Variants in DSC2 observed in about 807,000 individuals in gnomAD.
DSC2 encodes the protein desmocollin-2.
A neutral mutation model predicts 87.6 loss-of-function variants in DSC2; 51 were observed. The observed-to-expected ratio is 0.58, with a 90% CI of 0.46 to 0.74. The LOEUF (loss-of-function observed/expected upper bound fraction) is 0.74, where lower values mean the gene tolerates loss of function less well. Among genes scored for constraint, DSC2 ranks in the 30% least tolerant of loss-of-function variants. DSC2 has a pLI of 0.00. For missense variants in DSC2, 1,066 were observed against 1,089.5 expected, an observed-to-expected ratio of 0.98 and a Z score of 0.30; for synonymous variants, 383 against 393.2, an observed-to-expected ratio of 0.97 and a Z score of 0.31.
At chr18:31,069,737 T>C (rs1044041517) in intron 14 of DSC2, among the ~76,000 whole-genome samples, 1 of 149,702 alleles carries the variant, frequency 6.7e-6, no homozygotes, top group Non-Finnish European at 1.5e-5. Flanking sequence ...AAAAAGCCTC[T>C]TAGAATACTG....
intron 15 of DSC2, 89 bp downstream of exon 15, chr18:31,068,805 A>C: frequency 6.7e-7 from 1 of 1,495,338 alleles, no homozygotes; most frequent in Non-Finnish European, 9.2e-7. Context: ...ATTCATAATT[A>C]ATTGAAAATT....
At chr18:31,079,728 A>G (rs1220482223) in intron 11 of DSC2, 119 bp downstream of exon 11, 2 of 1,155,160 alleles carry the variant, frequency 1.7e-6, no homozygotes, top group East Asian at 2.4e-5. Context: ...ACTTTATATT[A>G]TCAAGAGATA....
chr18:31,080,425 T>C (rs1040440201), intron 9 of DSC2, 73 bp from the exon 10 acceptor site: 2 of 1,536,286 alleles, frequency 1.3e-6, no homozygotes, highest in East Asian at 2.3e-5. Context: ...GTATATATAA[T>C]GTTAAATTTG....
intron 11 of DSC2, among the ~76,000 whole-genome samples, chr18:31,075,478 G>T (rs943040010): frequency 6.6e-6 from 1 of 152,196 alleles, no homozygotes; most frequent in African/African-American, 2.4e-5. Flanking sequence ...GACTCCAGGA[G>T]TAGAAAATTA....
chr18:31,086,151 G>A (rs1381555599), intron 7 of DSC2, among the ~76,000 whole-genome samples: 2 of 152,176 alleles, frequency 1.3e-5, no homozygotes, highest in African/African-American at 4.8e-5. Context: ...ATAAGTACCT[G>A]TCAGACATCC....
At chr18:31,080,666 C>G (rs1987189811) in intron 9 of DSC2, among the ~76,000 whole-genome samples, 3 of 152,124 alleles carry the variant, frequency 2.0e-5, no homozygotes, top group Admixed American at 2.0e-4. Context: ...GTAGCACATC[C>G]CCCTTTGCTC....
intron 3 of DSC2, chr18:31,091,659 T>C: frequency 2.2e-6 from 1 of 457,060 alleles, no homozygotes; most frequent in Admixed American, 2.4e-5. Context: ...ATTTTGATCT[T>C]GGGTGTCACA....
intron 1 of DSC2, chr18:31,101,173 CTGAAGCCT>C (rs1293819385): frequency 1.6e-5 from 16 of 985,100 alleles, no homozygotes; most frequent in Non-Finnish European, 1.9e-5. Context: ...ATTTAGGGAA[CTGAAGCCT>C]CGCACGTTAA....
At chr18:31,091,481 A>G (rs1987597782) in intron 3 of DSC2, 1 of 477,800 alleles carries the variant, frequency 2.1e-6, no homozygotes, top group Non-Finnish European at 4.1e-6. Context: ...TGCAAAGAAA[A>G]TAAGTGTGTA....
intron 5 of DSC2, among the ~76,000 whole-genome samples, chr18:31,088,442 A>AG (rs1218060211): frequency 6.6e-6 from 1 of 152,182 alleles, no homozygotes; most frequent in Non-Finnish European, 1.5e-5. Flanking sequence ...CAGCTATCAT[A>AG]GAAAGGCCAG....
intron 11 of DSC2, among the ~76,000 whole-genome samples, chr18:31,078,648 T>C (rs982058201): frequency 1.9e-4 from 29 of 152,144 alleles, no homozygotes; most frequent in Non-Finnish European, 1.2e-4. Context: ...AGTCTTTAAT[T>C]AGTTAAAGAC....
At chr18:31,073,914 T>C (rs534507067) in intron 12 of DSC2, among the ~76,000 whole-genome samples, 1 of 152,204 alleles carries the variant, frequency 6.6e-6, no homozygotes, top group Non-Finnish European at 1.5e-5. Flanking sequence ...GTCAATACAG[T>C]GGCAGAGAGG....
At chr18:31,079,677 T>C (rs368779544) in intron 11 of DSC2, among the ~76,000 whole-genome samples, 170 bp downstream of exon 11, 1 of 152,208 alleles carries the variant, frequency 6.6e-6, no homozygotes, top group Non-Finnish European at 1.5e-5. Context: ...AGAAGGCTAT[T>C]AGAAAGCAGA....
Position 31,089,493 on chromosome 18 carries a change from A to C in DSC2, c.576T>G (p.Thr192=). 6.2e-7 allele frequency: 1 copy of C among 1,614,044 alleles called. No individual in the cohort carries two copies. Among genetic ancestry groups the C allele is most frequent in the South Asian group, 1.1e-5 (1 of 91,082 alleles). The stretch of plus-strand genomic sequence containing the variant: ...CAGGACGAGTACAATACAAGTTTCC[A>C]GTGTCTCTCTCCACATAAAATAAAT... ...PRNLFYVERD[T]GNLYCTRPVD... Residue 192 remains threonine (T), a synonymous_variant, in exon 5 of 16, where the codon ACT becomes ACG. Coordinates refer to ENST00000280904, the MANE Select transcript of DSC2 (RefSeq NM_024422.6).
At chr18:31,079,821 T>C (rs185774590) in intron 11 of DSC2, 26 bp downstream of exon 11, 1 of 1,613,748 alleles carries the variant, frequency 6.2e-7, no homozygotes, top group South Asian at 1.1e-5. Flanking sequence ...AGGAAGTATG[T>C]AGCTGGCTTA....
At chr18:31,100,198 T>C (rs1037071454) in intron 1 of DSC2, among the ~76,000 whole-genome samples, 9 of 152,250 alleles carry the variant, frequency 5.9e-5, no homozygotes, top group African/African-American at 2.2e-4. Flanking sequence ...GCATACTTCC[T>C]ACCCCACTCC....
intron 8 of DSC2, 45 bp from the exon 9 acceptor site, chr18:31,082,468 C>A: frequency 6.5e-7 from 1 of 1,545,412 alleles, no homozygotes; most frequent in Non-Finnish European, 8.9e-7. Context: ...GTAACTCTCA[C>A]AAAAATTGAA....
chr18:31,077,953 T>A (rs770647800), intron 11 of DSC2, among the ~76,000 whole-genome samples: 15 of 152,266 alleles, frequency 9.9e-5, no homozygotes, highest in Non-Finnish European at 1.9e-4. Context: ...AATTTAAAGC[T>A]TAAGAAATAT....
At chr18:31,072,695 T>C (rs1242523930) in intron 12 of DSC2, among the ~76,000 whole-genome samples, 1 of 152,178 alleles carries the variant, frequency 6.6e-6, no homozygotes, top group Non-Finnish European at 1.5e-5. Context: ...GATATACTAC[T>C]ACTCTAAATG....
Sources: gnomAD v4.1 joint callset for allele counts (sites outside exome capture counted in the v4.1 genomes callset) on GRCh38, gnomAD v4.1.1 for gene constraint, MANE v1.5 for transcripts, NCBI Gene and HGNC (gene_info 2026-07-23, HGNC 2026-07-21) for gene names.